Variants in SLC15A4 observed in about 807,000 individuals in gnomAD.
SLC15A4 encodes the protein solute carrier family 15 member 4, also known as hPHT1.
In SLC15A4, 26 loss-of-function variants were observed where a neutral mutation model predicts 46.1. That is an observed-to-expected ratio of 0.56 (90% CI 0.41 to 0.78). The LOEUF (loss-of-function observed/expected upper bound fraction) is 0.78, where lower values mean the gene tolerates loss of function less well. Among genes scored for constraint, SLC15A4 ranks in the 30% least tolerant of loss-of-function variants. The probability of loss-of-function intolerance (pLI) is 0.00; values close to 1 mark genes in which losing one functional copy is unlikely to be tolerated. For synonymous variants in SLC15A4, 370 were observed against 333.4 expected (o/e 1.11, Z -1.20); for missense variants, 751 against 755.7 (o/e 0.99, Z 0.07).
chr12:128,801,269 G>T, intron 5 of SLC15A4: 1 of 321,622 alleles, frequency 3.1e-6, no homozygotes, highest in South Asian at 6.2e-5. Context: ...TGTTCAACAT[G>T]TTTCATTTAA....
At position 128,794,149 on chromosome 12, in the gene SLC15A4, A is replaced by G. The variant is rs753477331; in HGVS notation, c.*47T>C. The G allele has an allele frequency of 6.5e-7, 1 of 1,549,892 alleles. No individual in the cohort carries two copies. The highest frequency in any genetic ancestry group is 8.8e-7 in the Non-Finnish European group (1 of 1,140,662). ...TGCCTGTTCTCAGTGCACCCCAGTC[A>G]GTTACTGACATGTCAGCCTCAGAAA... is the stretch of plus-strand genomic sequence containing the variant. On this transcript the variant is annotated 3_prime_UTR_variant, in exon 8 of 8. Transcript: ENST00000266771.
intron 7 of SLC15A4, among the ~76,000 whole-genome samples, chr12:128,797,364 A>G (rs557635286): frequency 4.7e-5 from 7 of 150,488 alleles, no homozygotes; most frequent in African/African-American, 1.7e-4. Flanking sequence ...GTGGGGACCA[A>G]CGCTGGAATA....
At chr12:128,821,136 C>G (rs1955830231) in intron 1 of SLC15A4, among the ~76,000 whole-genome samples, 1 of 152,196 alleles carries the variant, frequency 6.6e-6, no homozygotes. Flanking sequence ...AACCCTAAAC[C>G]AAAGAAACAT....
chr12:128,802,807 G>A (rs1189118300), intron 5 of SLC15A4, among the ~76,000 whole-genome samples: 2 of 152,182 alleles, frequency 1.3e-5, no homozygotes, highest in Non-Finnish European at 2.9e-5. Context: ...CAAGAATTAG[G>A]AGAAGAGAAA....
intron 5 of SLC15A4, among the ~76,000 whole-genome samples, chr12:128,804,712 G>A (rs1024618033): frequency 6.6e-6 from 1 of 152,196 alleles, no homozygotes; most frequent in Non-Finnish European, 1.5e-5. Flanking sequence ...CCTGGGTGAT[G>A]GGAGGGAGAC....
rs770209995 is a variant in SLC15A4 at position 128,794,191 on chromosome 12, G to A, written c.*5C>T. ...CCTCAGAAACCGCACATGGCCTCAG[G>A]AAGGTCAGGCCCTCCTGCTGGTGGG... On this transcript the variant is annotated 3_prime_UTR_variant, in exon 8 of 8. Transcript: ENST00000266771. The A allele has an allele frequency of 1.9e-6, 3 of 1,606,324 alleles. No homozygotes were observed. Among genetic ancestry groups the A allele is most frequent in the Admixed American group, 1.7e-5 (1 of 58,582 alleles).
At position 128,808,955 on chromosome 12, in the gene SLC15A4, A is replaced by T. The variant is rs182703912; in HGVS notation, c.1091T>A (p.Leu364His). ...AAACATGGTCAGCCAGGCTGCAGGG[A>T]GCTGGGGTGAAACACAGGAGGAGGC... is the stretch of plus-strand genomic sequence containing the variant. ...ISNITTTPHTLPAAWLTMFDA... is the reference protein window; with the variant it reads ...ISNITTTPHTHPAAWLTMFDA... The change falls in exon 5 of 8, where the codon CTC (leucine) becomes CAC (histidine). Residue 364 changes from leucine to histidine, a missense_variant and splice_region_variant. Coordinates refer to ENST00000266771, the MANE Select transcript of SLC15A4 (RefSeq NM_145648.4). 15 of 1,612,726 alleles carry T rather than the reference A, an allele frequency of 9.3e-6. No homozygotes were observed. The Admixed American group carries it at 2.2e-4, about 23-fold the overall frequency.
At chr12:128,822,173 T>C (rs1420042674) in intron 1 of SLC15A4, among the ~76,000 whole-genome samples, 1 of 152,244 alleles carries the variant, frequency 6.6e-6, no homozygotes, top group African/African-American at 2.4e-5. Context: ...CTGCATATAA[T>C]ACTTGGTGGC....
At chr12:128,807,517 G>T (rs192078812) in intron 5 of SLC15A4, among the ~76,000 whole-genome samples, 2 of 152,348 alleles carry the variant, frequency 1.3e-5, no homozygotes, top group Non-Finnish European at 2.9e-5. Context: ...AGGCACTCCA[G>T]CCCCGGGGGG....
intron 5 of SLC15A4, among the ~76,000 whole-genome samples, chr12:128,805,064 A>G (rs987736745): frequency 1.3e-5 from 2 of 152,214 alleles, no homozygotes; most frequent in African/African-American, 4.8e-5. Flanking sequence ...GAATAGTTAA[A>G]TGTCAGGAAG....
intron 7 of SLC15A4, among the ~76,000 whole-genome samples, chr12:128,798,309 CAT>C (rs1384043858): frequency 5.3e-5 from 8 of 152,220 alleles, no homozygotes; most frequent in African/African-American, 1.9e-4. Flanking sequence ...CCCAAATCCA[CAT>C]GTCCTCCTCA....
chr12:128,818,223 T>C (rs914622163), intron 1 of SLC15A4, among the ~76,000 whole-genome samples: 1 of 151,822 alleles, frequency 6.6e-6, no homozygotes, highest in African/African-American at 2.4e-5. Context: ...CGGCCTGACA[T>C]GATTTACACG....
intron 1 of SLC15A4, among the ~76,000 whole-genome samples, chr12:128,817,620 T>C (rs1334378918): frequency 6.6e-6 from 1 of 152,230 alleles, no homozygotes; most frequent in East Asian, 1.9e-4. Context: ...CCTCTTCAGA[T>C]GAAGCATGAA....
intron 5 of SLC15A4, among the ~76,000 whole-genome samples, chr12:128,805,914 G>A (rs1955581325): frequency 6.6e-6 from 1 of 152,114 alleles, no homozygotes. Context: ...GGGTGTGGTG[G>A]CTCATGCTTA....
intron 4 of SLC15A4, 176 bp from the exon 5 acceptor site, chr12:128,809,132 T>G: frequency 1.5e-6 from 1 of 656,496 alleles, no homozygotes; most frequent in South Asian, 2.1e-5. Context: ...CAAATGAATC[T>G]GCATTTGCTT....
chr12:128,817,854 G>A (rs1054569801), intron 1 of SLC15A4, among the ~76,000 whole-genome samples: 1 of 152,144 alleles, frequency 6.6e-6, no homozygotes, highest in African/African-American at 2.4e-5. Flanking sequence ...CCCAGCCCCT[G>A]GCGAGCAGGC....
chr12:128,796,923 C>A lies in SLC15A4; in HGVS notation c.1573+2336G>T, dbSNP rs542645633. Among the ~76,000 whole-genome samples, 4 of 152,316 alleles carry A rather than the reference C, an allele frequency of 2.6e-5. No homozygotes were observed. In the East Asian group the frequency reaches 7.7e-4, roughly 29 times the overall value. On this transcript the variant is annotated intron_variant, in intron 7 of 7. Transcript: ENST00000266771. Reference sequence around the variant, plus strand: ...GCGCGGCCCTGCGGGAGTGGAGGTGCGGTCCAAGCCCGCAGGCAGACACAC... The same window carrying A: ...GCGCGGCCCTGCGGGAGTGGAGGTGAGGTCCAAGCCCGCAGGCAGACACAC...
At chr12:128,818,654 A>T (rs1360756459) in intron 1 of SLC15A4, among the ~76,000 whole-genome samples, 1 of 152,242 alleles carries the variant, frequency 6.6e-6, no homozygotes, top group Non-Finnish European at 1.5e-5. Flanking sequence ...TTCACCCTTC[A>T]AAAGTGTACA....
intron 5 of SLC15A4, among the ~76,000 whole-genome samples, chr12:128,807,449 G>A (rs1955603023): frequency 6.6e-6 from 1 of 152,208 alleles, no homozygotes; most frequent in Non-Finnish European, 1.5e-5. Flanking sequence ...TTTCCCACAG[G>A]GAGGGAACGA....
Sources: gnomAD v4.1 joint callset for allele counts (sites outside exome capture counted in the v4.1 genomes callset) on GRCh38, gnomAD v4.1.1 for gene constraint, MANE v1.5 for transcripts, NCBI Gene and HGNC (gene_info 2026-07-23, HGNC 2026-07-21) for gene names.